NTM: variants seen among roughly 807,000 people sequenced by gnomAD.
The protein encoded by NTM is IgLON family member 2.
NTM carries 13 observed loss-of-function variants against 42.1 expected under a neutral mutation model. That is an observed-to-expected ratio of 0.31 (90% CI 0.20 to 0.49). NTM has a LOEUF of 0.49. Ranked by LOEUF, NTM falls within the 20% of genes least tolerant of loss-of-function variation. The probability of loss-of-function intolerance (pLI) is 0.99; values close to 1 mark genes in which losing one functional copy is unlikely to be tolerated. For missense variants in NTM, 373 were observed against 452.8 expected (o/e 0.82, Z 1.60); for synonymous variants, 187 against 179.2 (o/e 1.04, Z -0.35).
intron 1 of NTM, among the ~76,000 whole-genome samples, chr11:131,405,096 T>C (rs896187815): frequency 3.9e-5 from 6 of 152,170 alleles, no homozygotes; most frequent in African/African-American, 1.4e-4. Flanking sequence ...AGGTTGTCTG[T>C]TACGCTTCAA....
intron 1 of NTM, among the ~76,000 whole-genome samples, chr11:131,425,556 C>T (rs897929248): frequency 6.6e-6 from 1 of 152,196 alleles, no homozygotes; most frequent in African/African-American, 2.4e-5. Context: ...ACTAAAACAA[C>T]ATATTGATAA....
chr11:132,194,306 G>A (rs1446989256), intron 3 of NTM, among the ~76,000 whole-genome samples: 1 of 151,944 alleles, frequency 6.6e-6, no homozygotes, highest in Non-Finnish European at 1.5e-5. Context: ...TGCAAGGGTG[G>A]TTCAACATGT....
intron 2 of NTM, among the ~76,000 whole-genome samples, chr11:131,927,819 T>C (rs1011846350): frequency 1.3e-5 from 2 of 152,170 alleles, no homozygotes; most frequent in African/African-American, 4.8e-5. Context: ...CAGCTCCCAA[T>C]AGCCAGGAGT....
intron 2 of NTM, among the ~76,000 whole-genome samples, chr11:132,067,874 G>A (rs1034996066): frequency 6.6e-6 from 1 of 152,208 alleles, no homozygotes; most frequent in African/African-American, 2.4e-5. Flanking sequence ...AATTTTGGGA[G>A]TCTAGCAACC....
intron 2 of NTM, among the ~76,000 whole-genome samples, chr11:132,005,689 G>A (rs902295147): frequency 1.3e-5 from 2 of 152,096 alleles, no homozygotes; most frequent in Middle Eastern, 6.4e-3. Context: ...GTGTGGTGTT[G>A]TTTTCATATT....
At chr11:131,664,556 T>G (rs1035910483) in intron 1 of NTM, among the ~76,000 whole-genome samples, 6 of 152,088 alleles carry the variant, frequency 3.9e-5, no homozygotes, top group African/African-American at 1.2e-4. Flanking sequence ...TCCCCCTCTC[T>G]CCAGCTGTCT....
chr11:131,637,927 C>T (rs952658904), intron 1 of NTM, among the ~76,000 whole-genome samples: 3 of 152,062 alleles, frequency 2.0e-5, no homozygotes, highest in Non-Finnish European at 4.4e-5. Context: ...TAGTCTCTTC[C>T]TATAAATCAG....
chr11:131,740,883 T>C (rs2081093067), intron 1 of NTM, among the ~76,000 whole-genome samples: 1 of 152,126 alleles, frequency 6.6e-6, no homozygotes. Context: ...AGAGAGAAGG[T>C]GTTGCCAGGC....
chr11:132,092,182 C>A (rs2060452799), intron 2 of NTM, among the ~76,000 whole-genome samples: 1 of 152,204 alleles, frequency 6.6e-6, no homozygotes, highest in Admixed American at 6.5e-5. Context: ...GGAACGTGAT[C>A]AAATCTATTT....
chr11:132,241,698 T>C (rs1324878169), intron 4 of NTM, among the ~76,000 whole-genome samples: 2 of 152,216 alleles, frequency 1.3e-5, no homozygotes, highest in African/African-American at 4.8e-5. Context: ...ATATCTGTGA[T>C]ATAGATGTAA....
At chr11:131,462,326 C>T (rs1263123440) in intron 1 of NTM, among the ~76,000 whole-genome samples, 4 of 152,158 alleles carry the variant, frequency 2.6e-5, no homozygotes, top group African/African-American at 4.8e-5. Flanking sequence ...GAGGTGGCTA[C>T]ATAACTATAT....
At chr11:131,863,674 G>A (rs779298956) in intron 1 of NTM, among the ~76,000 whole-genome samples, 2 of 152,136 alleles carry the variant, frequency 1.3e-5, no homozygotes, top group African/African-American at 2.4e-5. Context: ...CCTGTCTGAC[G>A]TCCACAAGAG....
intron 1 of NTM, among the ~76,000 whole-genome samples, chr11:131,770,323 G>A (rs913456755): frequency 3.3e-5 from 5 of 152,186 alleles, no homozygotes; most frequent in South Asian, 2.1e-4. Context: ...AAGGGAAGAC[G>A]AGGAGCTGTA....
chr11:131,787,380 T>TTATTATTATTATTAC (rs1491507971), intron 1 of NTM, among the ~76,000 whole-genome samples: 1 of 142,070 alleles, frequency 7.0e-6, no homozygotes. Flanking sequence ...ATTATTATTA[T>TTATTATTATTATTAC]TTTATTTTTA....
intron 1 of NTM, chr11:131,767,157 T>C: frequency 1.0e-6 from 1 of 976,556 alleles, no homozygotes; most frequent in Non-Finnish European, 1.2e-6. Context: ...GATTCCCGAT[T>C]TACTAAATTC....
At chr11:131,785,876 T>G (rs1328696489) in intron 1 of NTM, among the ~76,000 whole-genome samples, 1 of 152,258 alleles carries the variant, frequency 6.6e-6, no homozygotes, top group Non-Finnish European at 1.5e-5. Flanking sequence ...GGATAGCCTT[T>G]GGCGAGTGCC....
intron 2 of NTM, among the ~76,000 whole-genome samples, chr11:132,064,547 A>G (rs929200396): frequency 6.6e-6 from 1 of 152,210 alleles, no homozygotes; most frequent in Admixed American, 6.5e-5. Context: ...ATGAAGAGTT[A>G]ATAGTGAGGC....
chr11:132,236,605 C>G (rs2088967805), intron 4 of NTM, among the ~76,000 whole-genome samples: 1 of 152,196 alleles, frequency 6.6e-6, no homozygotes, highest in Admixed American at 6.5e-5. Context: ...CTTACCTATA[C>G]TTGAATCGAC....
intron 1 of NTM, among the ~76,000 whole-genome samples, chr11:131,448,456 G>T (rs1488001044): frequency 6.6e-6 from 1 of 152,216 alleles, no homozygotes; most frequent in Admixed American, 6.5e-5. Context: ...CATGCAGCCT[G>T]GCCCTTCCAG....
Sources: allele counts gnomAD v4.1 joint callset (sites outside exome capture counted in the v4.1 genomes callset), GRCh38; gene constraint gnomAD v4.1.1; transcripts MANE v1.5; gene names NCBI Gene and HGNC (gene_info 2026-07-23, HGNC 2026-07-21).